The following CDC42BPA variants were observed in gnomAD, a reference collection of about 807,000 sequenced individuals.
CDC42BPA encodes CDC42 binding protein kinase alpha, also known as serine/threonine-protein kinase MRCK alpha.
Under a neutral mutation model 223.5 loss-of-function variants are expected in CDC42BPA, and 80 were observed. That is an observed-to-expected ratio of 0.36 (90% CI 0.30 to 0.43). CDC42BPA has a LOEUF of 0.43. CDC42BPA is among the 20% of genes least tolerant of loss of function. The probability of loss-of-function intolerance (pLI) is 1.00; values close to 1 mark genes in which losing one functional copy is unlikely to be tolerated. For synonymous variants in CDC42BPA, 694 were observed against 718.6 expected, an observed-to-expected ratio of 0.97 and a Z score of 0.55; for missense variants, 1,743 against 2,099.9, an observed-to-expected ratio of 0.83 and a Z score of 3.32.
At chr1:227,083,506 G>C (rs1194072928) in intron 16 of CDC42BPA, among the ~76,000 whole-genome samples, 1 of 152,066 alleles carries the variant, frequency 6.6e-6, no homozygotes, top group Non-Finnish European at 1.5e-5. Context: ...ACTCCTGCGG[G>C]TCTGTTTCTA....
intron 1 of CDC42BPA, among the ~76,000 whole-genome samples, chr1:227,254,428 G>A (rs1682704751): frequency 6.6e-6 from 1 of 152,046 alleles, no homozygotes; most frequent in Non-Finnish European, 1.5e-5. Flanking sequence ...AAGCAAGGGG[G>A]ATGTAAAAAT....
At position 227,317,044 on chromosome 1, in the gene CDC42BPA, A is replaced by G. The variant is rs144296174; in HGVS notation, c.139T>C (p.Leu47=). Residue 47 remains leucine (L), a synonymous_variant, in exon 1 of 37, where the codon TTG becomes CTG. Transcript: ENST00000366766. Reference sequence around the variant, plus strand: ...TCGAGAATGTTCTTCTCTCTTCTCAATGGAGAATTATTGCATTCATCATAA... The same window carrying G: ...TCGAGAATGTTCTTCTCTCTTCTCAGTGGAGAATTATTGCATTCATCATAA... The part of the protein sequence containing the change: ...CLYDECNNSP[L]RREKNILEYL... 2.7e-5 allele frequency: 44 copies of G among 1,613,892 alleles called. No individual in the cohort carries two copies. The African/African-American group carries it at 5.2e-4, about 19-fold the overall frequency.
chr1:227,264,179 C>T (rs528397606), intron 1 of CDC42BPA, among the ~76,000 whole-genome samples: 6 of 152,310 alleles, frequency 3.9e-5, no homozygotes, highest in Admixed American at 2.0e-4. Flanking sequence ...ATTTCATCAG[C>T]AAACATTTGA....
intron 21 of CDC42BPA, among the ~76,000 whole-genome samples, chr1:227,053,551 A>AT (rs1263773736): frequency 1.6e-4 from 25 of 152,190 alleles, no homozygotes; most frequent in African/African-American, 5.8e-4. Flanking sequence ...GGCTGATTTC[A>AT]TGAAACTAGT....
chr1:227,287,248 T>C (rs1688957630), intron 1 of CDC42BPA, among the ~76,000 whole-genome samples: 1 of 152,172 alleles, frequency 6.6e-6, no homozygotes. Flanking sequence ...GGAAAAGAGT[T>C]ACATCACAGA....
intron 4 of CDC42BPA, among the ~76,000 whole-genome samples, chr1:227,195,896 T>C (rs770551441): frequency 1.3e-5 from 2 of 152,144 alleles, no homozygotes; most frequent in Non-Finnish European, 2.9e-5. Flanking sequence ...CCCCTTCCAA[T>C]TGTTAAGAGA....
At chr1:227,118,681 A>G (rs1688150532) in intron 12 of CDC42BPA, among the ~76,000 whole-genome samples, 1 of 152,154 alleles carries the variant, frequency 6.6e-6, no homozygotes, top group Non-Finnish European at 1.5e-5. Flanking sequence ...CGCTCAGAAG[A>G]GTAGAAAGCA....
intron 1 of CDC42BPA, among the ~76,000 whole-genome samples, chr1:227,257,175 G>A (rs563756084): frequency 6.6e-6 from 1 of 152,204 alleles, no homozygotes; most frequent in Admixed American, 6.5e-5. Context: ...GTTACTAAGG[G>A]CTGGGGGACA....
chr1:227,080,686 A>AT (rs1341969579), intron 17 of CDC42BPA, among the ~76,000 whole-genome samples: 1 of 152,216 alleles, frequency 6.6e-6, no homozygotes, highest in Non-Finnish European at 1.5e-5. Flanking sequence ...GGTATGGGAC[A>AT]TTTGTTAGAG....
At chr1:227,130,195 G>C (rs1160708609) in intron 10 of CDC42BPA, among the ~76,000 whole-genome samples, 1 of 152,072 alleles carries the variant, frequency 6.6e-6, no homozygotes, top group Non-Finnish European at 1.5e-5. Flanking sequence ...TGCTATTTAT[G>C]GAGGGATTCT....
At chr1:227,163,048 ATGTG>A (rs1664326519) in intron 5 of CDC42BPA, among the ~76,000 whole-genome samples, 2 of 72,418 alleles carry the variant, frequency 2.8e-5, no homozygotes, top group Non-Finnish European at 7.0e-5. Flanking sequence ...TTCCAAACAT[ATGTG>A]TATGTTTCCA....
At position 227,147,430 on chromosome 1, in the gene CDC42BPA, T is replaced by A. The variant is rs1660894155; in HGVS notation, c.823A>T (p.Met275Leu). The A allele has an allele frequency of 1.9e-6, 3 of 1,613,596 alleles. No homozygotes were observed. The East Asian group carries it at 6.7e-5, about 36-fold the overall frequency. Residue 275 changes from methionine (M) to leucine (L), a missense_variant, in exon 7 of 37, where the codon ATG becomes TTG. Around this residue, in one of 6 missense-constraint regions of CDC42BPA, gnomAD observed 321 missense variants for 488.7 expected, o/e 0.66. Coordinates refer to ENST00000366766, the MANE Select transcript of CDC42BPA (RefSeq NM_001394014.1). ...WWSLGVCMYE[M>L]LYGETPFYAE... ...TAAAATGGTGTTTCTCCGTAAAGCA[T>A]TTCATACATACAGACCCCCAAAGAC... is the stretch of plus-strand genomic sequence containing the variant.
rs749589377 is a variant in CDC42BPA, at chr1:227,086,816, C to T, written c.2355+5070G>A. 1.9e-4 allele frequency among the ~76,000 whole-genome samples: 29 copies of T among 151,752 alleles called. 1 individual carries two copies. The highest frequency in any genetic ancestry group is 3.7e-4 in the Non-Finnish European group (25 of 67,974). ...CCAGGTAACTGGGACTACAGGCATG[C>T]ACCACCTCACCCAGCTAATATTTAA... On this transcript the variant is annotated intron_variant, in intron 16 of 36. Transcript: ENST00000366766.
intron 5 of CDC42BPA, among the ~76,000 whole-genome samples, chr1:227,189,722 T>C (rs1669404133): frequency 6.6e-6 from 1 of 152,164 alleles, no homozygotes; most frequent in Non-Finnish European, 1.5e-5. Context: ...TTTTTTCATA[T>C]GCGAGTTTTT....
At chr1:227,232,114 A>G (rs2147997147) in intron 2 of CDC42BPA, among the ~76,000 whole-genome samples, 1 of 152,252 alleles carries the variant, frequency 6.6e-6, no homozygotes, top group East Asian at 1.9e-4. Context: ...TTATGGTTTT[A>G]GGTCTAAAAT....
At chr1:227,048,272 A>G (rs750880440) in intron 22 of CDC42BPA, among the ~76,000 whole-genome samples, 6 of 152,052 alleles carry the variant, frequency 3.9e-5, no homozygotes, top group Non-Finnish European at 7.4e-5. Context: ...AATCATTTGG[A>G]TCAAATGATT....
intron 14 of CDC42BPA, among the ~76,000 whole-genome samples, chr1:227,106,377 T>C (rs893491772): frequency 6.6e-6 from 1 of 152,214 alleles, no homozygotes; most frequent in Non-Finnish European, 1.5e-5. Flanking sequence ...TTTTCTTGCA[T>C]CCCTTAAGCT....
intron 27 of CDC42BPA, among the ~76,000 whole-genome samples, chr1:227,033,040 C>G (rs1669594605): frequency 6.6e-6 from 1 of 152,150 alleles, no homozygotes; most frequent in African/African-American, 2.4e-5. Context: ...AAACCTCACA[C>G]TTATCTAATT....
At chr1:227,242,360 G>A (rs187598104) in intron 2 of CDC42BPA, among the ~76,000 whole-genome samples, 7 of 152,148 alleles carry the variant, frequency 4.6e-5, no homozygotes, top group South Asian at 4.2e-4. Context: ...AGACAAGGAT[G>A]ATGCCCACTT....
Sources: gnomAD v4.1 joint callset for allele counts (sites outside exome capture counted in the v4.1 genomes callset) on GRCh38, gnomAD v4.1.1 for gene constraint, gnomAD v4.1.1 regional missense constraint, MANE v1.5 for transcripts, NCBI Gene and HGNC (gene_info 2026-07-23, HGNC 2026-07-21) for gene names.